CASD1: variants seen among roughly 807,000 people sequenced by gnomAD.
The protein encoded by CASD1 is N-acetylneuraminate (7)9-O-acetyltransferase.
A neutral mutation model predicts 100.0 loss-of-function variants in CASD1; 41 were observed. The ratio of observed to expected loss-of-function variants is 0.41; its 90% CI spans 0.32 to 0.53. CASD1 has a LOEUF of 0.53. Among genes scored for constraint, CASD1 ranks in the 20% least tolerant of loss-of-function variants. The pLI, the probability that CASD1 is intolerant of heterozygous loss-of-function variation, is 0.25. For missense variants in CASD1, 774 were observed against 948.7 expected (o/e 0.82, Z 2.42); for synonymous variants, 321 against 315.6 (o/e 1.02, Z -0.18).
At chr7:94,533,149 TGTA>T (rs1794932446) in intron 5 of CASD1, 53 bp from the exon 6 acceptor site, 7 of 1,220,670 alleles carry the variant, frequency 5.7e-6, no homozygotes, top group Non-Finnish European at 8.2e-6. Context: ...TGATGTTACT[TGTA>T]GTAATTCCCT....
chr7:94,588,431 A>C, the CASD1 span: 1 of 1,274,484 alleles, frequency 7.8e-7, no homozygotes, highest in Non-Finnish European at 1.0e-6. Context: ...AAGGGGTTTC[A>C]TTCAGTCTTC....
At chr7:94,598,387 G>T in the CASD1 span, 2 of 221,200 alleles carry the variant, frequency 9.0e-6, no homozygotes, top group African/African-American at 4.7e-5. Flanking sequence ...AAGGTCTATG[G>T]TAATAACATT....
At chr7:94,598,458 G>C in the CASD1 span, 1 of 310,274 alleles carries the variant, frequency 3.2e-6, no homozygotes, top group Non-Finnish European at 6.1e-6. Context: ...GAAATGCTTA[G>C]GATATGGTTC....
At chr7:94,554,427 CAAAATACTTTTCAAT>C in intron 16 of CASD1, 41 bp from the exon 17 acceptor site, 10 of 1,165,710 alleles carry the variant, frequency 8.6e-6, no homozygotes, top group Non-Finnish European at 1.3e-5. Context: ...AAGCTTTATA[CAAAATACTTTTCAAT>C]AAAGAGATTA....
At chr7:94,573,295 T>C in the CASD1 span, among the ~76,000 whole-genome samples, 19 of 152,252 alleles carry the variant, frequency 1.2e-4, no homozygotes, top group Non-Finnish European at 2.8e-4. Context: ...GGAATAGCAC[T>C]GAATCTGTAA....
chr7:94,586,805 A>G, the CASD1 span: 1 of 984,682 alleles, frequency 1.0e-6, no homozygotes, highest in Non-Finnish European at 1.2e-6. Context: ...CCCAGCCTCC[A>G]TTTAGTTTTA....
chr7:94,532,784 T>A (rs1794914474), intron 5 of CASD1, among the ~76,000 whole-genome samples: 1 of 152,158 alleles, frequency 6.6e-6, no homozygotes, highest in Non-Finnish European at 1.5e-5. Context: ...CAGAAGATTG[T>A]TTTGGCACTG....
At chr7:94,559,017 C>T (rs1471950262), downstream of CASD1, among the ~76,000 whole-genome samples, 1 of 152,094 alleles carries the variant, frequency 6.6e-6, no homozygotes, top group African/African-American at 2.4e-5. Flanking sequence ...CCAAGCTGGT[C>T]TCCAATTCCT....
At position 94,510,058 on chromosome 7, in the gene CASD1, G is replaced by C. The variant is rs896518605; in HGVS notation, c.-27G>C. 1 of 1,488,624 alleles carries C rather than the reference G, an allele frequency of 6.7e-7. No individual in the cohort carries two copies. The highest frequency in any genetic ancestry group is 9.0e-7 in the Non-Finnish European group (1 of 1,113,878). 92.2% of individuals were successfully genotyped at this position (1,488,624 alleles called of 1,614,324 possible). A position where few individuals can be genotyped will look rare whatever the true frequency, so the allele number is the denominator to read the frequency against. On this transcript the variant is annotated 5_prime_UTR_variant, in exon 1 of 18. Coordinates refer to ENST00000297273, the MANE Select transcript of CASD1 (RefSeq NM_022900.5). ...TGCGGCGCCCCTTTCCCGCTCCGCC[G>C]CGCACTGTTGTCATGGAGGAACCAA...
intron 10 of CASD1, among the ~76,000 whole-genome samples, chr7:94,540,628 T>C (rs1795348181): frequency 6.6e-6 from 1 of 152,084 alleles, no homozygotes; most frequent in Non-Finnish European, 1.5e-5. Context: ...TTTGAGTCAT[T>C]ATGAAAGAGC....
chr7:94,604,155 C>A, the CASD1 span, among the ~76,000 whole-genome samples: 1 of 152,010 alleles, frequency 6.6e-6, no homozygotes, highest in African/African-American at 2.4e-5. Context: ...GATTTCACAA[C>A]AGGAAATAGT....
the CASD1 span, chr7:94,590,924 C>T: frequency 6.6e-6 from 1 of 152,078 alleles, no homozygotes; most frequent in Non-Finnish European, 1.5e-5. Flanking sequence ...AACTCTTAAT[C>T]TATAGGTAAC....
At chr7:94,630,588 CATATG>C in the CASD1 span, among the ~76,000 whole-genome samples, 1 of 151,856 alleles carries the variant, frequency 6.6e-6, no homozygotes, top group Non-Finnish European at 1.5e-5. Flanking sequence ...TTACTTAAGA[CATATG>C]ATATGAGTAC....
the CASD1 span, chr7:94,587,164 T>G: frequency 6.1e-6 from 6 of 984,862 alleles, no homozygotes; most frequent in Non-Finnish European, 7.2e-6. Context: ...GGCTCTTATA[T>G]TTGTTTAGGC....
intron 10 of CASD1, among the ~76,000 whole-genome samples, chr7:94,541,537 GTTTTTTTTTTTTTTTTTT>G (rs56786123): frequency 3.3e-5 from 2 of 60,084 alleles, no homozygotes; most frequent in African/African-American, 6.7e-5. Flanking sequence ...TGTTCCACTG[GTTTTTTTTTTTTTTTTTT>G]TTTTTTTTTT....
chr7:94,515,983 A>G (rs1793960552), intron 1 of CASD1, among the ~76,000 whole-genome samples: 1 of 152,140 alleles, frequency 6.6e-6, no homozygotes, highest in African/African-American at 2.4e-5. Flanking sequence ...TGCTATTTGT[A>G]GAAAAATAAC....
chr7:94,546,958 T>C (rs1362805753), intron 12 of CASD1, 138 bp from the exon 13 acceptor site: 4 of 503,702 alleles, frequency 7.9e-6, no homozygotes, highest in Non-Finnish European at 1.3e-5. Context: ...ACTAACTGGA[T>C]ATATTTTGTG....
chr7:94,569,803 A>T, the CASD1 span, among the ~76,000 whole-genome samples: 3 of 143,376 alleles, frequency 2.1e-5, no homozygotes, highest in Non-Finnish European at 4.6e-5. Flanking sequence ...CCATTCTACC[A>T]ATCTCTGACT....
rs1554408701 is a variant in CASD1, at chr7:94,527,152, T to A, written c.352-10T>A. Reference sequence around the variant, plus strand: ...ATACATTAATATTTCTCTGTCTCCTTTTATGGCAGCATGAAAACATTCCTT... The same window carrying A: ...ATACATTAATATTTCTCTGTCTCCTATTATGGCAGCATGAAAACATTCCTT... On this transcript the variant is annotated splice_polypyrimidine_tract_variant and intron_variant, in intron 3 of 17. Transcript: ENST00000297273. 4 of 1,604,186 alleles carry A rather than the reference T, an allele frequency of 2.5e-6. No homozygotes were observed. The South Asian group carries it at 4.4e-5, about 18-fold the overall frequency.
Sources: gnomAD v4.1 joint callset for allele counts (sites outside exome capture counted in the v4.1 genomes callset) on GRCh38, gnomAD v4.1.1 for gene constraint, MANE v1.5 for transcripts, NCBI Gene and HGNC (gene_info 2026-07-23, HGNC 2026-07-21) for gene names.